USH2A: variants seen among roughly 807,000 people sequenced by gnomAD.
USH2A encodes the protein usherin, also known as Usher syndrome 2A (autosomal recessive, mild).
In USH2A, 443 loss-of-function variants were observed where a neutral mutation model predicts 538.9. That is an observed-to-expected ratio of 0.82 (90% confidence interval 0.76 to 0.89). The LOEUF (loss-of-function observed/expected upper bound fraction) is 0.89. USH2A is among the 40% of genes least tolerant of loss of function. The pLI is 0.00. For synonymous variants in USH2A, 2,413 were observed against 2,273.5 expected (o/e 1.06, Z -1.75); for missense variants, 6,633 against 6,324.8 (o/e 1.05, Z -1.65).
intron 21 of USH2A, among the ~76,000 whole-genome samples, chr1:216,166,687 G>A (rs886433787): frequency 1.2e-4 from 19 of 152,098 alleles, no homozygotes; most frequent in Admixed American, 9.8e-4. Context: ...AGAGTTCCAA[G>A]GTTTCCGCCT....
At chr1:216,378,576 C>T (rs1333209328) in intron 3 of USH2A, among the ~76,000 whole-genome samples, 2 of 152,204 alleles carry the variant, frequency 1.3e-5, no homozygotes, top group East Asian at 1.9e-4. Flanking sequence ...AGAGAGCCCC[C>T]GAATACCCAC....
Position 215,639,168 on chromosome 1 carries a change from G to A in USH2A, c.15039C>T (p.Thr5013=). 2 of 1,614,062 alleles carry A rather than the reference G, an allele frequency of 1.2e-6. No homozygotes were observed. The highest frequency in any genetic ancestry group is 8.5e-7 in the Non-Finnish European group (1 of 1,179,954). ...TGAGTTGTTTACCAAGTCCAGTAGA[G>A]GTATCATATTGGATCAACGGCGTCT... is the stretch of plus-strand genomic sequence containing the variant. The part of the protein sequence containing the change: ...SVKTPLIQYD[T]STGLGLVLTT... Residue 5013 remains threonine (T), a synonymous_variant, in exon 69 of 72, where the codon ACC becomes ACT. Coordinates refer to ENST00000307340, the MANE Select transcript of USH2A (RefSeq NM_206933.4).
intron 35 of USH2A, among the ~76,000 whole-genome samples, chr1:215,980,621 C>A (rs948051313): frequency 3.9e-5 from 6 of 152,106 alleles, no homozygotes; most frequent in Non-Finnish European, 8.8e-5. Context: ...TTTTGAAGAA[C>A]CATGTCCTTG....
chr1:215,741,305 C>T, intron 60 of USH2A, 70 bp downstream of exon 60: 1 of 1,535,156 alleles, frequency 6.5e-7, no homozygotes, highest in Non-Finnish European at 9.0e-7. Flanking sequence ...ATAAAATGCT[C>T]TTGATTCTGC....
At chr1:216,392,174 G>A (rs924096440) in intron 3 of USH2A, among the ~76,000 whole-genome samples, 3 of 151,998 alleles carry the variant, frequency 2.0e-5, no homozygotes, top group African/African-American at 4.8e-5. Context: ...ATGATGCAAG[G>A]ACAAATACAA....
intron 67 of USH2A, among the ~76,000 whole-genome samples, chr1:215,642,757 T>C (rs565202674): frequency 1.3e-5 from 2 of 152,160 alleles, no homozygotes; most frequent in Admixed American, 6.5e-5. Flanking sequence ...TGCTGTCATG[T>C]TGGTCACTTG....
At chr1:216,082,673 GCAGTTA>G (rs1176489696) in intron 26 of USH2A, among the ~76,000 whole-genome samples, 1 of 152,060 alleles carries the variant, frequency 6.6e-6, no homozygotes, top group East Asian at 1.9e-4. Flanking sequence ...ACAAGGAAAA[GCAGTTA>G]CAGTTGCCCA....
chr1:216,337,111 G>C (rs1311854907), intron 4 of USH2A, among the ~76,000 whole-genome samples: 2 of 151,350 alleles, frequency 1.3e-5, no homozygotes, highest in African/African-American at 4.8e-5. Context: ...ACAGATCTTA[G>C]GATATGCATC....
intron 21 of USH2A, among the ~76,000 whole-genome samples, chr1:216,167,234 C>T (rs1457138867): frequency 6.6e-6 from 1 of 152,062 alleles, no homozygotes; most frequent in Non-Finnish European, 1.5e-5. Flanking sequence ...AGCACCGCCC[C>T]CCACAACGCC....
chr1:216,023,780 T>C (rs575287335), intron 32 of USH2A, among the ~76,000 whole-genome samples: 80 of 152,100 alleles, frequency 5.3e-4, no homozygotes, highest in Non-Finnish European at 9.0e-4. Flanking sequence ...TAAAAATTAA[T>C]AAAAGGGATT....
chr1:215,687,269 C>G (rs1481372826), intron 61 of USH2A, among the ~76,000 whole-genome samples: 1 of 152,048 alleles, frequency 6.6e-6, no homozygotes, highest in Non-Finnish European at 1.5e-5. Context: ...AAATGTTCAG[C>G]TTGGAGGATC....
chr1:215,881,773 T>C (rs1378781738), intron 41 of USH2A, among the ~76,000 whole-genome samples: 3 of 152,214 alleles, frequency 2.0e-5, no homozygotes, highest in Admixed American at 6.5e-5. Flanking sequence ...ATGGCTTTCC[T>C]ATCACAATGA....
intron 52 of USH2A, among the ~76,000 whole-genome samples, 164 bp downstream of exon 52, chr1:215,786,506 A>G (rs1661804841): frequency 6.6e-6 from 1 of 152,222 alleles, no homozygotes. Context: ...GAATACATCC[A>G]GATTATGCCT....
At chr1:216,154,641 T>C (rs1381106150) in intron 21 of USH2A, among the ~76,000 whole-genome samples, 1 of 152,212 alleles carries the variant, frequency 6.6e-6, no homozygotes, top group Non-Finnish European at 1.5e-5. Flanking sequence ...TTACACAGCA[T>C]TTCCATCACC....
chr1:216,082,986 G>C (rs1466778383), intron 26 of USH2A, among the ~76,000 whole-genome samples: 1 of 152,036 alleles, frequency 6.6e-6, no homozygotes. Flanking sequence ...CATCTGAAAG[G>C]AGATGGAAAC....
At chr1:216,336,455 T>C (rs1558043573) in intron 4 of USH2A, among the ~76,000 whole-genome samples, 1 of 151,108 alleles carries the variant, frequency 6.6e-6, no homozygotes, top group Non-Finnish European at 1.5e-5. Flanking sequence ...AAAGTAGAAG[T>C]AAAACTATCT....
chr1:215,717,258 A>G (rs1474141969), intron 61 of USH2A, among the ~76,000 whole-genome samples: 1 of 152,196 alleles, frequency 6.6e-6, no homozygotes, highest in Non-Finnish European at 1.5e-5. Flanking sequence ...CCAAAAAGAT[A>G]GTCATTCATT....
intron 47 of USH2A, among the ~76,000 whole-genome samples, chr1:215,831,508 T>C (rs1663314867): frequency 6.6e-6 from 1 of 152,188 alleles, no homozygotes; most frequent in Non-Finnish European, 1.5e-5. Context: ...TCTAAAATTA[T>C]GTTCTTAGAT....
At chr1:216,217,903 G>A (rs1391015921) in intron 14 of USH2A, among the ~76,000 whole-genome samples, 1 of 151,988 alleles carries the variant, frequency 6.6e-6, no homozygotes, top group Non-Finnish European at 1.5e-5. Context: ...TTTTACAAAA[G>A]CAGTGTTCCT....
Sources: allele counts gnomAD v4.1 joint callset (sites outside exome capture counted in the v4.1 genomes callset), GRCh38; gene constraint gnomAD v4.1.1; transcripts MANE v1.5; gene names NCBI Gene and HGNC (gene_info 2026-07-23, HGNC 2026-07-21).